Variants in DPP10 observed in about 807,000 individuals in gnomAD.
The protein encoded by DPP10 is inactive dipeptidyl peptidase 10.
A neutral mutation model predicts 120.9 loss-of-function variants in DPP10; 33 were observed. The ratio of observed to expected loss-of-function variants is 0.27; its 90% CI spans 0.21 to 0.37. DPP10 has a LOEUF of 0.37. Ranked by LOEUF, DPP10 falls within the 10% of genes least tolerant of loss-of-function variation. The pLI is 1.00. For synonymous variants in DPP10, 337 were observed against 326.1 expected (o/e 1.03, Z -0.36); for missense variants, 816 against 942.8 (o/e 0.87, Z 1.76).
At chr2:115,289,817 T>A (rs1295398537) in intron 1 of DPP10, among the ~76,000 whole-genome samples, 1 of 152,016 alleles carries the variant, frequency 6.6e-6, no homozygotes, top group African/African-American at 2.4e-5. Context: ...CAAAACTAGA[T>A]CCCTATCTCT....
intron 1 of DPP10, among the ~76,000 whole-genome samples, chr2:115,104,170 CTTTTTTTTTTT>C (rs35125894): frequency 1.8e-4 from 15 of 84,656 alleles, no homozygotes; most frequent in African/African-American, 5.6e-4. Context: ...ATACATATGT[CTTTTTTTTTTT>C]TTTTTTTTTT....
At chr2:114,544,681 A>G (rs1445014706) in intron 1 of DPP10, among the ~76,000 whole-genome samples, 1 of 151,636 alleles carries the variant, frequency 6.6e-6, no homozygotes, top group Non-Finnish European at 1.5e-5. Flanking sequence ...ATTAAAATTT[A>G]TACATTAAGC....
At chr2:115,057,931 CCTA>C (rs746974776) in intron 1 of DPP10, among the ~76,000 whole-genome samples, 2 of 152,132 alleles carry the variant, frequency 1.3e-5, no homozygotes, top group Non-Finnish European at 2.9e-5. Context: ...TAGGTACAAG[CCTA>C]CTTTTTCTTT....
At chr2:114,987,722 G>A (rs1700488440) in intron 1 of DPP10, among the ~76,000 whole-genome samples, 2 of 149,208 alleles carry the variant, frequency 1.3e-5, no homozygotes, top group Non-Finnish European at 3.0e-5. Flanking sequence ...CACGTGAAAA[G>A]TGTCAGAAAT....
intron 5 of DPP10, among the ~76,000 whole-genome samples, chr2:115,588,911 A>T (rs1434217795): frequency 6.6e-6 from 1 of 152,346 alleles, no homozygotes; most frequent in East Asian, 1.9e-4. Flanking sequence ...CCTAGACCAT[A>T]AGAATGGCTC....
chr2:114,531,185 G>A (rs1023060082), intron 1 of DPP10, among the ~76,000 whole-genome samples: 3 of 152,074 alleles, frequency 2.0e-5, no homozygotes, highest in African/African-American at 7.2e-5. Context: ...AACTGTACTT[G>A]TCATCGTGGT....
intron 3 of DPP10, among the ~76,000 whole-genome samples, chr2:115,388,918 G>A (rs112394796): frequency 4.0e-5 from 3 of 75,190 alleles, no homozygotes; most frequent in Non-Finnish European, 3.3e-5. Context: ...AACTTTAAAC[G>A]CTATTCTTTT....
At chr2:114,512,742 T>C (rs539363437) in intron 1 of DPP10, among the ~76,000 whole-genome samples, 70 of 152,304 alleles carry the variant, frequency 4.6e-4, no homozygotes, top group Non-Finnish European at 8.8e-4. Context: ...TGAGCATATT[T>C]AGAACTGGAT....
intron 1 of DPP10, among the ~76,000 whole-genome samples, chr2:114,637,204 C>T (rs1393006744): frequency 6.6e-6 from 1 of 151,838 alleles, no homozygotes; most frequent in Non-Finnish European, 1.5e-5. Flanking sequence ...AACGTTAACA[C>T]AGTATAATAT....
chr2:115,237,768 C>T (rs796137813), intron 1 of DPP10, among the ~76,000 whole-genome samples: 8 of 152,280 alleles, frequency 5.3e-5, no homozygotes, highest in African/African-American at 1.9e-4. Flanking sequence ...ACAACATTCC[C>T]TTGAGCCAAA....
At chr2:114,753,666 T>C (rs1293925813) in intron 1 of DPP10, among the ~76,000 whole-genome samples, 1 of 152,050 alleles carries the variant, frequency 6.6e-6, no homozygotes, top group Non-Finnish European at 1.5e-5. Flanking sequence ...TCCCAGCACT[T>C]TGGGAGGCCG....
rs1312531407 is a variant in DPP10 at position 115,469,531 on chromosome 2, A to G, written c.272-29979A>G. Among the ~76,000 whole-genome samples, 13 of 152,300 alleles carry G rather than the reference A, an allele frequency of 8.5e-5. No individual in the cohort carries two copies. The South Asian group carries it at 2.7e-3, about 32-fold the overall frequency. On this transcript the variant is annotated intron_variant, in intron 3 of 25. Coordinates refer to ENST00000410059, the MANE Select transcript of DPP10 (RefSeq NM_020868.6). ...AACTTTATATCTGTTTAAAGAATCA[A>G]TATCCCTTCAGAGGTTCTACGATTA...
intron 1 of DPP10, among the ~76,000 whole-genome samples, chr2:115,250,437 G>A (rs1460329213): frequency 2.6e-5 from 4 of 152,138 alleles, no homozygotes; most frequent in Admixed American, 1.3e-4. Context: ...GTGTTAAGAT[G>A]TGTGAATGGA....
chr2:115,622,133 A>C (rs1479008715), intron 5 of DPP10, among the ~76,000 whole-genome samples: 1 of 152,088 alleles, frequency 6.6e-6, no homozygotes, highest in Non-Finnish European at 1.5e-5. Flanking sequence ...TCTTCTCCCC[A>C]AAAAACCTTG....
chr2:115,121,709 G>C (rs1470150932), intron 1 of DPP10, among the ~76,000 whole-genome samples: 1 of 152,176 alleles, frequency 6.6e-6, no homozygotes, highest in Non-Finnish European at 1.5e-5. Flanking sequence ...ACCTGGAGGG[G>C]GCTGGTGGGC....
intron 1 of DPP10, among the ~76,000 whole-genome samples, chr2:114,801,649 G>A (rs1019838251): frequency 6.6e-6 from 1 of 152,188 alleles, no homozygotes. Flanking sequence ...GCTCTCGGAT[G>A]TTAGTTCCTT....
chr2:115,083,131 G>C (rs1457710767), intron 1 of DPP10, among the ~76,000 whole-genome samples: 1 of 151,990 alleles, frequency 6.6e-6, no homozygotes, highest in African/African-American at 2.4e-5. Flanking sequence ...CATTTCCCTT[G>C]TAGATTTTAT....
rs34420249 is a variant in DPP10 at position 115,573,276 on chromosome 2, A to ATT, written c.441+47327_441+47328dup. On this transcript the variant is annotated intron_variant, in intron 5 of 25. Coordinates refer to ENST00000410059, the MANE Select transcript of DPP10 (RefSeq NM_020868.6). ...CTGCATGAAGCCCAGGCTTCCTGGG[A>ATT]TTTTTTTTTTTTTTTTTTTTTTTTG... Among the ~76,000 whole-genome samples the ATT allele has an allele frequency of 8.0e-3, 696 of 86,502 alleles. 17 individuals are homozygous for ATT. Among genetic ancestry groups the ATT allele is most frequent in the African/African-American group, 0.026 (600 of 22,864 alleles). 56.7% of individuals were successfully genotyped at this position (86,502 alleles called of 152,430 possible).
intron 1 of DPP10, among the ~76,000 whole-genome samples, chr2:114,785,069 G>A (rs973351162): frequency 6.6e-6 from 1 of 152,186 alleles, no homozygotes; most frequent in Non-Finnish European, 1.5e-5. Flanking sequence ...TAGGGAAAGT[G>A]GGGTTGGAGT....
Sources: gnomAD v4.1 joint callset for allele counts (sites outside exome capture counted in the v4.1 genomes callset) on GRCh38, gnomAD v4.1.1 for gene constraint, MANE v1.5 for transcripts, NCBI Gene and HGNC (gene_info 2026-07-23, HGNC 2026-07-21) for gene names.